The following ABRAXAS1 variants were observed in gnomAD, a reference collection of about 807,000 sequenced individuals.
ABRAXAS1 encodes abraxas 1, BRCA1 A complex subunit, also known as BRCA1-A complex subunit Abraxas 1.
In ABRAXAS1, 26 loss-of-function variants were observed where a neutral mutation model predicts 38.4. That is an observed-to-expected ratio of 0.68 (90% CI 0.50 to 0.94). ABRAXAS1 has a LOEUF of 0.94. Among genes scored for constraint, ABRAXAS1 ranks in the 40% least tolerant of loss-of-function variants. The pLI is 0.00. For missense variants in ABRAXAS1, 438 were observed against 481.9 expected, an observed-to-expected ratio of 0.91 and a Z score of 0.85; for synonymous variants, 144 against 165.5, an observed-to-expected ratio of 0.87 and a Z score of 1.00.
In ABRAXAS1 at chr4:83,462,802, C is replaced by T. The variant is rs140407442; in HGVS notation, c.897G>A (p.Met299Ile). Reference protein sequence around the residue: ...PNSEFLHSCVMSLKNRHVSKS... With the variant: ...PNSEFLHSCVISLKNRHVSKS... ...TAGAAACATGTCTATTTTTTAAAGA[C>T]ATAACACATGAATGAAGAAATTCAG... Residue 299 changes from methionine (M) to isoleucine (I), a missense_variant, in exon 9 of 9, where the codon ATG becomes ATA. Coordinates refer to ENST00000321945, the MANE Select transcript of ABRAXAS1 (RefSeq NM_139076.3). 1.6e-4 allele frequency: 256 copies of T among 1,613,348 alleles called. No homozygotes were observed. In the African/African-American group the frequency reaches 2.9e-3, roughly 18 times the overall value.
Position 83,469,491 on chromosome 4 carries a change from G to T in ABRAXAS1, c.477-340C>A, listed in dbSNP as rs929828380. 6 of 229,778 alleles carry T rather than the reference G, an allele frequency of 2.6e-5. No individual in the cohort carries two copies. In the Middle Eastern group the frequency reaches 5.2e-3, roughly 197 times the overall value. 14.2% of individuals were successfully genotyped at this position (229,778 alleles called of 1,614,324 possible). On this transcript the variant is annotated intron_variant, in intron 5 of 8. Coordinates refer to ENST00000321945, the MANE Select transcript of ABRAXAS1 (RefSeq NM_139076.3). The stretch of plus-strand genomic sequence containing the variant: ...ATCACCACACCCGACTAATTTTTAA[G>T]TTTTTTGTAGAGATGAGGTCTCCTA...
At chr4:83,484,874 A>G (rs1199727700) in intron 1 of ABRAXAS1, 112 bp downstream of exon 1, 3 of 838,392 alleles carry the variant, frequency 3.6e-6, no homozygotes, top group Non-Finnish European at 5.3e-6. Context: ...CGCAGGGAGG[A>G]GGCGCGGCGG....
Position 83,459,665 on chromosome 4 carries a change from GTT to G in ABRAXAS1, c.*2802_*2803del, listed in dbSNP as rs1244928397. On this transcript the variant is annotated 3_prime_UTR_variant, in exon 9 of 9. Transcript: ENST00000321945. ...TAAAGCTTTATATAACCTGAAGGTT[GTT>G]TTTTGAAATTTACACATTCAGAAAT... 2 of 1,357,452 alleles carry G rather than the reference GTT, an allele frequency of 1.5e-6. No homozygotes were observed. The highest frequency in any genetic ancestry group is 4.0e-5 in the Admixed American group (2 of 50,332). The allele number at this position is 1,357,452 out of a possible 1,614,324, so 84.1% of individuals were successfully genotyped here.
Position 83,461,165 on chromosome 4 carries a change from C to T in ABRAXAS1, c.*1304G>A, listed in dbSNP as rs1341322382. 1 of 1,612,806 alleles carries T rather than the reference C, an allele frequency of 6.2e-7. No homozygotes were observed. The highest frequency in any genetic ancestry group is 1.7e-5 in the Admixed American group (1 of 60,014). On this transcript the variant is annotated 3_prime_UTR_variant, in exon 9 of 9. Coordinates refer to ENST00000321945, the MANE Select transcript of ABRAXAS1 (RefSeq NM_139076.3). ...CAAGGATCCTGCATATCTCAAGGAC[C>T]CTAAAGTTTGTAACATCAGATATCG...
intron 4 of ABRAXAS1, among the ~76,000 whole-genome samples, chr4:83,471,225 A>ATTT (rs1722581419): frequency 1.4e-4 from 6 of 43,352 alleles, no homozygotes; most frequent in African/African-American, 4.7e-4. Flanking sequence ...TTTTTTTTTG[A>ATTT]GACAGTCTGG....
chr4:83,475,087 G>A (rs1722718476), intron 3 of ABRAXAS1, among the ~76,000 whole-genome samples: 1 of 152,076 alleles, frequency 6.6e-6, no homozygotes, highest in South Asian at 2.1e-4. Context: ...GTTTCTTCAG[G>A]TCTCAGCTTC....
chr4:83,460,749 CA>C lies in ABRAXAS1; in HGVS notation c.*1719del. 1.1e-5 allele frequency: 5 copies of C among 460,794 alleles called. No homozygotes were observed. The highest frequency in any genetic ancestry group is 2.0e-5 in the Non-Finnish European group (5 of 254,288). The allele number at this position is 460,794 out of a possible 1,614,324, so 28.5% of individuals were successfully genotyped here. A position where few individuals can be genotyped will look rare whatever the true frequency, so the allele number is the denominator to read the frequency against. ...TGAAACCCCGTTTCTACTACAAATA[CA>C]AAAAAATTATCCGGGTGTGGCGGTG... On this transcript the variant is annotated 3_prime_UTR_variant, in exon 9 of 9. Transcript: ENST00000321945.
rs763122511 is a variant in ABRAXAS1 at position 83,485,078 on chromosome 4, C to T, written c.-6G>A. ...GACGTACTCTCCCCCTCCATGCTAC[C>T]GCCGCCTCAGGCTACACAAGAGGAC... On this transcript the variant is annotated 5_prime_UTR_variant, in exon 1 of 9. Transcript: ENST00000321945. 1.4e-5 allele frequency: 22 copies of T among 1,584,968 alleles called. No homozygotes were observed. Among genetic ancestry groups the T allele is most frequent in the Non-Finnish European group, 1.8e-5 (21 of 1,165,950 alleles).
Position 83,484,249 on chromosome 4 carries a change from G to GTAT in ABRAXAS1, c.87+734_87+736dup, listed in dbSNP as rs1357772095. ...AAATTACTAGGCATTGTTCAGCAGGGTATTCTCCGAACTGTACCACACAGC... is the reference window on the plus strand; with the variant it reads ...AAATTACTAGGCATTGTTCAGCAGGGTATTATTCTCCGAACTGTACCACACAGC... On this transcript the variant is annotated intron_variant, in intron 1 of 8. Transcript: ENST00000321945. The GTAT allele has an allele frequency of 7.2e-6, 7 of 975,310 alleles. No homozygotes were observed. The Admixed American group carries it at 2.5e-4, about 34-fold the overall frequency. 60.4% of individuals were successfully genotyped at this position (975,310 alleles called of 1,614,324 possible). A position where few individuals can be genotyped will look rare whatever the true frequency, so the allele number is the denominator to read the frequency against.
At chr4:83,482,331 G>A in intron 1 of ABRAXAS1, 87 bp from the exon 2 acceptor site, 1 of 742,014 alleles carries the variant, frequency 1.3e-6, no homozygotes, top group South Asian at 1.8e-5. Flanking sequence ...ATTTTACTAT[G>A]TATACAATAT....
intron 3 of ABRAXAS1, among the ~76,000 whole-genome samples, chr4:83,476,354 A>C (rs898409361): frequency 7.9e-5 from 12 of 152,342 alleles, no homozygotes; most frequent in African/African-American, 2.9e-4. Context: ...TGAGTTTATA[A>C]TATGCAATGA....
In ABRAXAS1 at chr4:83,461,226, A is replaced by G. The variant is rs1319368105; in HGVS notation, c.*1243T>C. ...CTATCACGTTACCACTAATAAACTT[A>G]TTTTACAGTAAGTGGTTGTATGATG... On this transcript the variant is annotated 3_prime_UTR_variant, in exon 9 of 9. Transcript: ENST00000321945. 5.0e-6 allele frequency: 8 copies of G among 1,592,446 alleles called. No homozygotes were observed. Among genetic ancestry groups the G allele is most frequent in the Non-Finnish European group, 6.9e-6 (8 of 1,162,484 alleles).
At chr4:83,466,466 G>A (rs1187266330) in intron 7 of ABRAXAS1, among the ~76,000 whole-genome samples, 2 of 152,022 alleles carry the variant, frequency 1.3e-5, no homozygotes, top group African/African-American at 4.8e-5. Flanking sequence ...ATGTGTTCAG[G>A]CCAGTGAAAT....
At position 83,459,682 on chromosome 4, in the gene ABRAXAS1, C is replaced by T. The variant is rs1371278525; in HGVS notation, c.*2787G>A. On this transcript the variant is annotated 3_prime_UTR_variant, in exon 9 of 9. Coordinates refer to ENST00000321945, the MANE Select transcript of ABRAXAS1 (RefSeq NM_139076.3). ...TGAAGGTTGTTTTTTGAAATTTACA[C>T]ATTCAGAAATAAATAACAGATACTT... The T allele has an allele frequency of 6.8e-7, 1 of 1,465,678 alleles. No homozygotes were observed. The highest frequency in any genetic ancestry group is 9.4e-7 in the Non-Finnish European group (1 of 1,061,464). 90.8% of individuals were successfully genotyped at this position (1,465,678 alleles called of 1,614,324 possible). A position where few individuals can be genotyped will look rare whatever the true frequency, so the allele number is the denominator to read the frequency against.
At chr4:83,476,749 A>C in intron 2 of ABRAXAS1, 70 bp from the exon 3 acceptor site, 2 of 989,790 alleles carry the variant, frequency 2.0e-6, no homozygotes, top group Non-Finnish European at 1.6e-6. Flanking sequence ...CTGCATATTG[A>C]GCCTTTACCT....
chr4:83,471,738 C>T (rs139750004), intron 4 of ABRAXAS1, among the ~76,000 whole-genome samples: 54 of 152,030 alleles, frequency 3.6e-4, no homozygotes, highest in African/African-American at 1.3e-3. Context: ...TGTGTGGTGG[C>T]GGGTGCCTAT....
intron 4 of ABRAXAS1, 116 bp from the exon 5 acceptor site, chr4:83,470,512 T>C: frequency 1.4e-6 from 1 of 699,624 alleles, no homozygotes; most frequent in Non-Finnish European, 2.3e-6. Context: ...TAGAAAGATT[T>C]GGGGCATATA....
rs1722416319 is a variant in ABRAXAS1, at chr4:83,467,488, T to C, written c.647A>G (p.Asn216Ser). 1.9e-6 allele frequency: 3 copies of C among 1,566,334 alleles called. No homozygotes were observed. The highest frequency in any genetic ancestry group is 1.8e-6 in the Non-Finnish European group (2 of 1,140,598). The change falls in exon 7 of 9, where the codon AAT becomes AGT. Residue 216 changes from asparagine (N) to serine (S), a missense_variant. By Grantham distance (46) the Asn-to-Ser change is conservative. Coordinates refer to ENST00000321945, the MANE Select transcript of ABRAXAS1 (RefSeq NM_139076.3). ...CTCTTGTAATGAAGCATACATTTCA[T>C]TTATCTTATGTACCTCCTTTAAGGA... Reference protein sequence around the residue: ...DGSLKEVHKINEMYASLQEEL... With the variant: ...DGSLKEVHKISEMYASLQEEL...
At chr4:83,483,750 G>A (rs1723076446) in intron 1 of ABRAXAS1, among the ~76,000 whole-genome samples, 1 of 152,052 alleles carries the variant, frequency 6.6e-6, no homozygotes, top group South Asian at 2.1e-4. Flanking sequence ...CAACTAGCCA[G>A]AAAAACCACC....
Sources: allele counts gnomAD v4.1 joint callset (sites outside exome capture counted in the v4.1 genomes callset), GRCh38; gene constraint gnomAD v4.1.1; transcripts MANE v1.5; gene names NCBI Gene and HGNC (gene_info 2026-07-23, HGNC 2026-07-21).